The following CD38 variants were observed in gnomAD, a reference collection of about 807,000 sequenced individuals.
The protein encoded by CD38 is CD38 molecule.
CD38 carries 31 observed loss-of-function variants against 36.3 expected under a neutral mutation model. The ratio of observed to expected loss-of-function variants is 0.85; its 90% CI spans 0.64 to 1.15. The LOEUF is 1.15. Among genes scored for constraint, CD38 ranks in the 50% most tolerant of loss-of-function variants. The probability of loss-of-function intolerance (pLI) is 0.00; values close to 1 mark genes in which losing one functional copy is unlikely to be tolerated. For synonymous variants in CD38, 131 were observed against 135.2 expected (o/e 0.97, Z 0.22); for missense variants, 380 against 371.9 (o/e 1.02, Z -0.18).
intron 1 of CD38, among the ~76,000 whole-genome samples, chr4:15,790,262 C>T (rs1423220147): frequency 6.6e-6 from 1 of 151,406 alleles, no homozygotes; most frequent in Non-Finnish European, 1.5e-5. Flanking sequence ...GCTGCCATCT[C>T]GGCTCACTGC....
rs1041916689 is a variant in CD38 at position 15,833,085 on chromosome 4, G to A, written c.500-1132G>A. On this transcript the variant is annotated intron_variant, in intron 3 of 7. Transcript: ENST00000226279. Reference sequence around the variant, plus strand: ...CCAAGGACTCTTCAGTCAGCTTGTGGTTAATGCTGCCTGGCCTGGGACTCA... The same window carrying A: ...CCAAGGACTCTTCAGTCAGCTTGTGATTAATGCTGCCTGGCCTGGGACTCA... Among the ~76,000 whole-genome samples the A allele has an allele frequency of 3.3e-5, 5 of 152,240 alleles. No homozygotes were observed. In the South Asian group the frequency reaches 6.2e-4, roughly 19 times the overall value.
At chr4:15,839,914 AC>A in intron 5 of CD38, 111 bp from the exon 6 acceptor site, 1 of 734,056 alleles carries the variant, frequency 1.4e-6, no homozygotes, top group Non-Finnish European at 2.5e-6. Flanking sequence ...TGATGTGTCA[AC>A]TCTAAAGGAT....
chr4:15,783,619 T>C (rs1041221306), intron 1 of CD38, among the ~76,000 whole-genome samples: 3 of 152,204 alleles, frequency 2.0e-5, no homozygotes, highest in African/African-American at 7.2e-5. Flanking sequence ...CTGCCTTGAG[T>C]CCACATCATG....
intron 1 of CD38, among the ~76,000 whole-genome samples, chr4:15,814,916 C>T (rs1228897660): frequency 6.6e-6 from 1 of 151,904 alleles, no homozygotes; most frequent in Non-Finnish European, 1.5e-5. Flanking sequence ...AAGCAATTCT[C>T]CTACCTCAGC....
At chr4:15,794,081 G>T (rs188763115) in intron 1 of CD38, among the ~76,000 whole-genome samples, 1 of 152,170 alleles carries the variant, frequency 6.6e-6, no homozygotes, top group Non-Finnish European at 1.5e-5. Flanking sequence ...TAAACAACTC[G>T]TAAGTTTTAA....
intron 3 of CD38, among the ~76,000 whole-genome samples, chr4:15,831,748 A>C (rs1008121362): frequency 4.6e-5 from 7 of 152,130 alleles, no homozygotes; most frequent in African/African-American, 1.7e-4. Context: ...TTTGATTATC[A>C]AATGCTTTGG....
intron 1 of CD38, among the ~76,000 whole-genome samples, chr4:15,790,702 C>T (rs1305782416): frequency 6.6e-6 from 1 of 151,822 alleles, no homozygotes; most frequent in Non-Finnish European, 1.5e-5. Flanking sequence ...AGCGTCTCTG[C>T]CCGGCCGCCA....
chr4:15,818,747 C>A (rs73114479), intron 2 of CD38, among the ~76,000 whole-genome samples: 1 of 152,106 alleles, frequency 6.6e-6, no homozygotes, highest in Non-Finnish European at 1.5e-5. Context: ...GGAGTGGACC[C>A]CCTGCACACT....
At chr4:15,798,388 G>A (rs1723145744) in intron 1 of CD38, among the ~76,000 whole-genome samples, 1 of 152,152 alleles carries the variant, frequency 6.6e-6, no homozygotes, top group Admixed American at 6.5e-5. Flanking sequence ...AGGGAGAGGG[G>A]CAAGAGCACA....
At chr4:15,786,086 C>A (rs1254283087) in intron 1 of CD38, among the ~76,000 whole-genome samples, 1 of 152,134 alleles carries the variant, frequency 6.6e-6, no homozygotes, top group African/African-American at 2.4e-5. Context: ...TGCAGACTTT[C>A]GTGGTGAGTG....
In CD38 at chr4:15,838,088, T is replaced by A; in HGVS notation, c.586-4T>A. 1 of 1,609,924 alleles carries A rather than the reference T, an allele frequency of 6.2e-7. No homozygotes were observed. Among genetic ancestry groups the A allele is most frequent in the Admixed American group, 1.7e-5 (1 of 59,626 alleles). ...GATGAATGGTGGGCATTTTTTTTTT[T>A]AAGTTTGCAGAAGCTGCCTGTGATG... On this transcript the variant is annotated splice_region_variant and splice_polypyrimidine_tract_variant and intron_variant, in intron 4 of 7. Transcript: ENST00000226279.
At chr4:15,824,715 C>T (rs559840546) in intron 2 of CD38, among the ~76,000 whole-genome samples, 166 bp from the exon 3 acceptor site, 1 of 152,044 alleles carries the variant, frequency 6.6e-6, no homozygotes, top group African/African-American at 2.4e-5. Flanking sequence ...CTCTCCGCCA[C>T]TCTCCTGCAC....
At chr4:15,816,671 C>A in intron 2 of CD38, 31 bp downstream of exon 2, 3 of 1,611,542 alleles carry the variant, frequency 1.9e-6, no homozygotes, top group Admixed American at 1.7e-5. Flanking sequence ...GATTTTAAAA[C>A]TGGGGATAAA....
At chr4:15,833,189 G>A (rs1156491329) in intron 3 of CD38, among the ~76,000 whole-genome samples, 1 of 152,112 alleles carries the variant, frequency 6.6e-6, no homozygotes, top group African/African-American at 2.4e-5. Context: ...TGGAATCAGG[G>A]ACCCCAAGCC....
intron 7 of CD38, among the ~76,000 whole-genome samples, chr4:15,847,482 C>T (rs1345128162): frequency 8.5e-5 from 8 of 94,416 alleles, no homozygotes; most frequent in African/African-American, 2.9e-4. Context: ...GTGGGTGCAG[C>T]GCACCAGCAT....
chr4:15,785,008 C>T (rs1722780973), intron 1 of CD38, among the ~76,000 whole-genome samples: 1 of 151,676 alleles, frequency 6.6e-6, no homozygotes, highest in Admixed American at 6.6e-5. Flanking sequence ...ATGAGCTGAG[C>T]TCACGCCACT....
In CD38 at chr4:15,837,979, C is replaced by T. The variant is rs193127370; in HGVS notation, c.586-113C>T. The T allele has an allele frequency of 1.2e-5, 10 of 813,898 alleles. No individual in the cohort carries two copies. The Admixed American group carries it at 1.8e-4, about 14-fold the overall frequency. The allele number at this position is 813,898 out of a possible 1,614,324, so 50.4% of individuals were successfully genotyped here. On this transcript the variant is annotated intron_variant, in intron 4 of 7. Transcript: ENST00000226279. ...TAGACCTGACATTCCTGGGCTAAAA[C>T]CATATGGGATATCCTTCCTTAACCA...
intron 1 of CD38, among the ~76,000 whole-genome samples, chr4:15,780,076 G>T (rs1318305795): frequency 6.6e-6 from 1 of 152,210 alleles, no homozygotes; most frequent in Non-Finnish European, 1.5e-5. Context: ...TTAGTTGGGA[G>T]AAACATGATG....
chr4:15,779,014 G>A (rs544601241), intron 1 of CD38, among the ~76,000 whole-genome samples: 1 of 152,338 alleles, frequency 6.6e-6, no homozygotes, highest in South Asian at 2.1e-4. Flanking sequence ...TTCAGGGACG[G>A]AATAGAACTC....
Sources: gnomAD v4.1 joint callset for allele counts (sites outside exome capture counted in the v4.1 genomes callset) on GRCh38, gnomAD v4.1.1 for gene constraint, MANE v1.5 for transcripts, NCBI Gene and HGNC (gene_info 2026-07-23, HGNC 2026-07-21) for gene names.